TMEM63C: variants seen among roughly 807,000 people sequenced by gnomAD.
TMEM63C encodes the protein transmembrane protein 63C.
In TMEM63C, 32 loss-of-function variants were observed where a neutral mutation model predicts 99.2. The observed-to-expected ratio is 0.32, with a 90% CI of 0.24 to 0.43. The LOEUF (loss-of-function observed/expected upper bound fraction) is 0.43. Ranked by LOEUF, TMEM63C falls within the 20% of genes least tolerant of loss-of-function variation. The pLI is 1.00. For missense variants in TMEM63C, 826 were observed against 1,053.0 expected, an observed-to-expected ratio of 0.78 and a Z score of 2.98; for synonymous variants, 376 against 397.9, an observed-to-expected ratio of 0.94 and a Z score of 0.66.
intron 9 of TMEM63C, among the ~76,000 whole-genome samples, chr14:77,237,304 C>T (rs1311622904): frequency 6.6e-6 from 1 of 152,094 alleles, no homozygotes; most frequent in African/African-American, 2.4e-5. Context: ...CGTGCCTCGC[C>T]CTTCTGCAGT....
chr14:77,194,933 CT>C (rs1236697808), intron 1 of TMEM63C, among the ~76,000 whole-genome samples: 2 of 151,664 alleles, frequency 1.3e-5, no homozygotes, highest in Non-Finnish European at 2.9e-5. Flanking sequence ...TTTTTTCCCC[CT>C]AAGCATGTTA....
intron 23 of TMEM63C, 84 bp from the exon 24 acceptor site, chr14:77,256,442 G>A (rs1043746121): frequency 1.5e-6 from 2 of 1,357,958 alleles, no homozygotes; most frequent in African/African-American, 1.4e-5. Flanking sequence ...AGGCGATGGG[G>A]GTGGGGCATG....
At chr14:77,230,547 G>A (rs543671359) in intron 6 of TMEM63C, among the ~76,000 whole-genome samples, 14 of 152,258 alleles carry the variant, frequency 9.2e-5, no homozygotes, top group African/African-American at 3.4e-4. Flanking sequence ...GGAGGTGAGC[G>A]AGCATTACAC....
chr14:77,259,483 T>C lies in TMEM63C; in HGVS notation c.*2757T>C, dbSNP rs975801501. ...TATGACCGTGCCTTGAATAAACAAG[T>C]CCTCCCAACCTCTCCTGGCCCCTGC... On this transcript the variant is annotated 3_prime_UTR_variant, in exon 24 of 24. Coordinates refer to ENST00000298351, the MANE Select transcript of TMEM63C (RefSeq NM_020431.4). The C allele has an allele frequency of 6.5e-6, 1 of 152,818 alleles. No homozygotes were observed. Among genetic ancestry groups the C allele is most frequent in the Non-Finnish European group, 1.5e-5 (1 of 68,294 alleles). The allele number at this position is 152,818 out of a possible 1,614,324, so 9.5% of individuals were successfully genotyped here.
intron 1 of TMEM63C, among the ~76,000 whole-genome samples, chr14:77,185,427 T>C (rs1398473775): frequency 6.6e-6 from 1 of 152,250 alleles, no homozygotes; most frequent in African/African-American, 2.4e-5. Flanking sequence ...CTCCTCACTC[T>C]GGCTGAGTCT....
chr14:77,242,929 T>C lies in TMEM63C; in HGVS notation c.1214T>C (p.Phe405Ser), dbSNP rs1359416877. 3 of 1,613,992 alleles carry C rather than the reference T, an allele frequency of 1.9e-6. No individual in the cohort carries two copies. In the African/African-American group the frequency reaches 4.0e-5, roughly 22 times the overall value. Residue 405 changes from phenylalanine (F) to serine (S), a missense_variant, in exon 15 of 24, where the codon TTT becomes TCT. Physicochemically the swap from Phe to Ser is radical, Grantham distance 155 (BLOSUM62 -2). Coordinates refer to ENST00000298351, the MANE Select transcript of TMEM63C (RefSeq NM_020431.4). ...IWKHLSVRRF[F>S]WWARFIAINT... ...AAACACCTGTCTGTCCGCCGCTTCTTTTGGTGGGCCCGCTTTATCGCAATC... is the reference window on the plus strand; with the variant it reads ...AAACACCTGTCTGTCCGCCGCTTCTCTTGGTGGGCCCGCTTTATCGCAATC...
intron 1 of TMEM63C, among the ~76,000 whole-genome samples, chr14:77,185,627 T>C (rs1887982179): frequency 6.6e-6 from 1 of 152,132 alleles, no homozygotes; most frequent in Admixed American, 6.5e-5. Flanking sequence ...TGAGTGGCAG[T>C]GATTTGGCCA....
At chr14:77,200,814 A>G (rs1888287203) in intron 1 of TMEM63C, among the ~76,000 whole-genome samples, 1 of 152,144 alleles carries the variant, frequency 6.6e-6, no homozygotes, top group Non-Finnish European at 1.5e-5. Flanking sequence ...CAGGCTAGAA[A>G]TGTGATGCCT....
intron 1 of TMEM63C, among the ~76,000 whole-genome samples, chr14:77,195,192 A>G (rs1285552954): frequency 6.6e-6 from 1 of 152,206 alleles, no homozygotes; most frequent in Non-Finnish European, 1.5e-5. Flanking sequence ...TTCGTTTCTC[A>G]GTGGGTTCAC....
At chr14:77,254,789 A>G (rs1889432651) in intron 23 of TMEM63C, among the ~76,000 whole-genome samples, 2 of 152,220 alleles carry the variant, frequency 1.3e-5, no homozygotes, top group Admixed American at 1.3e-4. Flanking sequence ...ACAGGGCTAT[A>G]TGAACATCGC....
At chr14:77,246,144 C>A (rs1249090024) in intron 17 of TMEM63C, 118 bp downstream of exon 17, 3 of 813,426 alleles carry the variant, frequency 3.7e-6, no homozygotes. Flanking sequence ...TCAAAGACAG[C>A]CCCATGCCTG....
intron 1 of TMEM63C, among the ~76,000 whole-genome samples, chr14:77,206,836 A>T (rs1888410762): frequency 6.6e-6 from 1 of 152,234 alleles, no homozygotes; most frequent in African/African-American, 2.4e-5. Flanking sequence ...CAAACTCAGA[A>T]AAAAATGTTA....
intron 1 of TMEM63C, among the ~76,000 whole-genome samples, chr14:77,182,260 C>G (rs768363517): frequency 2.6e-5 from 4 of 152,090 alleles, no homozygotes; most frequent in African/African-American, 4.8e-5. Flanking sequence ...CCCTCTCCCC[C>G]ACCCAGGGAT....
chr14:77,210,351 C>T (rs1448936518), intron 1 of TMEM63C, among the ~76,000 whole-genome samples: 2 of 152,128 alleles, frequency 1.3e-5, no homozygotes, highest in Non-Finnish European at 2.9e-5. Flanking sequence ...ACCACTTTCC[C>T]CAGCCTTAAG....
chr14:77,185,965 A>T (rs559049051), intron 1 of TMEM63C, among the ~76,000 whole-genome samples: 1 of 150,466 alleles, frequency 6.6e-6, no homozygotes, highest in South Asian at 2.1e-4. Flanking sequence ...CTGCTTGCTG[A>T]GTGGCCAGCT....
intron 19 of TMEM63C, 51 bp from the exon 20 acceptor site, chr14:77,248,716 C>A: frequency 6.3e-7 from 1 of 1,575,384 alleles, no homozygotes; most frequent in South Asian, 1.1e-5. Flanking sequence ...CAGAAGTAGT[C>A]AAGCCAAGGG....
At chr14:77,243,403 T>C (rs922357568) in intron 15 of TMEM63C, among the ~76,000 whole-genome samples, 1 of 152,020 alleles carries the variant, frequency 6.6e-6, no homozygotes. Flanking sequence ...CCAGAGGGTG[T>C]GGCAAGTGTG....
In TMEM63C at chr14:77,230,338, ACT is replaced by A. The variant is rs145311267; in HGVS notation, c.351-1247_351-1246del. ...CAACCTTCATCCCCATCCCATTCTAACTCTATAGCTCAGTATTGCCTATAGCT... is the reference window on the plus strand; with the variant it reads ...CAACCTTCATCCCCATCCCATTCTAACTATAGCTCAGTATTGCCTATAGCT... On this transcript the variant is annotated intron_variant, in intron 6 of 23. Coordinates refer to ENST00000298351, the MANE Select transcript of TMEM63C (RefSeq NM_020431.4). Among the ~76,000 whole-genome samples the A allele has an allele frequency of 9.9e-3, 1,504 of 151,808 alleles. 14 individuals carry two copies. Among genetic ancestry groups the A allele is most frequent in the Non-Finnish European group, 0.013 (882 of 67,950 alleles).
At chr14:77,241,004 G>A (rs1433638557) in intron 13 of TMEM63C, among the ~76,000 whole-genome samples, 2 of 143,352 alleles carry the variant, frequency 1.4e-5, no homozygotes, top group Non-Finnish European at 3.0e-5. Context: ...AGGCTGGAGT[G>A]CAATGGCACA....
Sources: allele counts gnomAD v4.1 joint callset (sites outside exome capture counted in the v4.1 genomes callset), GRCh38; gene constraint gnomAD v4.1.1; transcripts MANE v1.5; gene names NCBI Gene and HGNC (gene_info 2026-07-23, HGNC 2026-07-21).